The following RASGEF1B variants were observed in gnomAD, a reference collection of about 807,000 sequenced individuals.
The protein encoded by RASGEF1B is RasGEF domain family member 1B, also known as ras-GEF domain-containing family member 1B.
A neutral mutation model predicts 65.7 loss-of-function variants in RASGEF1B; 30 were observed. That is an observed-to-expected ratio of 0.46 (90% CI 0.34 to 0.62). RASGEF1B has a LOEUF of 0.62. RASGEF1B is among the 20% of genes least tolerant of loss of function. The pLI is 0.01. For synonymous variants in RASGEF1B, 175 were observed against 194.8 expected, an observed-to-expected ratio of 0.90 and a Z score of 0.85; for missense variants, 495 against 580.1, an observed-to-expected ratio of 0.85 and a Z score of 1.51.
chr4:81,432,260 C>A, intron 13 of RASGEF1B, 39 bp downstream of exon 13: 2 of 1,402,264 alleles, frequency 1.4e-6, no homozygotes, highest in South Asian at 1.2e-5. Context: ...AAGCCAATTT[C>A]CTTCAGACTT....
intron 10 of RASGEF1B, among the ~76,000 whole-genome samples, chr4:81,435,754 C>T (rs1195146814): frequency 1.6e-4 from 22 of 140,706 alleles, no homozygotes; most frequent in South Asian, 7.0e-4. Context: ...GGATTACAGG[C>T]GTGAGCCAAC....
intron 1 of RASGEF1B, among the ~76,000 whole-genome samples, chr4:81,466,397 T>A (rs1041297853): frequency 6.6e-6 from 1 of 152,184 alleles, no homozygotes; most frequent in African/African-American, 2.4e-5. Flanking sequence ...AACTATGGAT[T>A]TGAGCCAGGG....
At position 81,448,221 on chromosome 4, in the gene RASGEF1B, T is replaced by C; in HGVS notation, c.502A>G (p.Ser168Gly). 1 of 1,613,828 alleles carries C rather than the reference T, an allele frequency of 6.2e-7. No individual in the cohort carries two copies. The highest frequency in any genetic ancestry group is 1.7e-4 in the Middle Eastern group (1 of 5,732). Reference protein sequence around the residue: ...QCLIRKLAALSQYEEVLAKIS... With the variant: ...QCLIRKLAALGQYEEVLAKIS... ...TTTGCCAGGACTTCTTCGTACTGGC[T>C]GAGCGCAGCAAGCTTGCGGATCAGA... The change falls in exon 5 of 14, where the codon AGC becomes GGC. Residue 168 changes from serine to glycine, a missense_variant. Transcript: ENST00000264400.
chr4:81,450,529 C>T (rs1722218846), intron 4 of RASGEF1B, among the ~76,000 whole-genome samples: 2 of 121,268 alleles, frequency 1.6e-5, no homozygotes, highest in South Asian at 4.9e-4. Context: ...CCATACCCAG[C>T]TAATTTGTTG....
chr4:81,432,181 T>C lies in RASGEF1B; in HGVS notation c.1397+118A>G, dbSNP rs1035990910. Reference sequence around the variant, plus strand: ...CCACAAAGATTTGGTGTACAAGAGATAAAGTGCAGAGGACTTGGAACAGAT... The same window carrying C: ...CCACAAAGATTTGGTGTACAAGAGACAAAGTGCAGAGGACTTGGAACAGAT... On this transcript the variant is annotated intron_variant, in intron 13 of 13. Coordinates refer to ENST00000264400, the MANE Select transcript of RASGEF1B (RefSeq NM_152545.3). 1.2e-5 allele frequency: 7 copies of C among 598,034 alleles called. No individual in the cohort carries two copies. In the Admixed American group the frequency reaches 1.5e-4, roughly 13 times the overall value. The allele number at this position is 598,034 out of a possible 1,614,324, so 37.0% of individuals were successfully genotyped here. A position where few individuals can be genotyped will look rare whatever the true frequency, so the allele number is the denominator to read the frequency against.
chr4:81,433,106 G>A (rs549765293), intron 12 of RASGEF1B, among the ~76,000 whole-genome samples: 4 of 151,344 alleles, frequency 2.6e-5, no homozygotes, highest in African/African-American at 7.3e-5. Context: ...GTGCACGCCC[G>A]TACTCCCAGC....
At chr4:81,457,996 G>C (rs930763282) in intron 2 of RASGEF1B, among the ~76,000 whole-genome samples, 1 of 152,144 alleles carries the variant, frequency 6.6e-6, no homozygotes, top group African/African-American at 2.4e-5. Flanking sequence ...ACAAAACATG[G>C]TTGTGTGTCC....
At chr4:81,466,673 T>C (rs576775791) in intron 1 of RASGEF1B, among the ~76,000 whole-genome samples, 1 of 149,634 alleles carries the variant, frequency 6.7e-6, no homozygotes, top group Non-Finnish European at 1.5e-5. Flanking sequence ...GCAGGAGAAT[T>C]GTTTGAACCT....
At chr4:81,430,947 C>G (rs1208649843) in intron 13 of RASGEF1B, among the ~76,000 whole-genome samples, 3 of 152,026 alleles carry the variant, frequency 2.0e-5, no homozygotes, top group Admixed American at 2.0e-4. Context: ...TTAAAATAAT[C>G]TACAAGAAAA....
At chr4:81,456,584 C>T (rs762504833) in intron 4 of RASGEF1B, 67 bp downstream of exon 4, 13 of 1,566,708 alleles carry the variant, frequency 8.3e-6, no homozygotes, top group African/African-American at 5.4e-5. Flanking sequence ...ATGCATAATT[C>T]GGCACCATTT....
At chr4:81,438,635 T>C (rs890886712) in intron 10 of RASGEF1B, among the ~76,000 whole-genome samples, 1 of 152,204 alleles carries the variant, frequency 6.6e-6, no homozygotes. Context: ...ACATGTGTCA[T>C]GGTGGTTTGC....
intron 3 of RASGEF1B, 90 bp from the exon 4 acceptor site, chr4:81,456,878 T>A (rs1435980920): frequency 8.4e-7 from 1 of 1,196,078 alleles, no homozygotes; most frequent in South Asian, 1.5e-5. Context: ...CTGAGAAACT[T>A]CTAGTGCAAA....
chr4:81,460,945 C>T (rs1722621070), intron 1 of RASGEF1B, among the ~76,000 whole-genome samples: 1 of 152,132 alleles, frequency 6.6e-6, no homozygotes, highest in Non-Finnish European at 1.5e-5. Context: ...GTCACTGGCC[C>T]CATGTCTCTC....
At chr4:81,436,019 C>T (rs1298399925) in intron 10 of RASGEF1B, among the ~76,000 whole-genome samples, 4 of 151,784 alleles carry the variant, frequency 2.6e-5, no homozygotes, top group African/African-American at 9.7e-5. Flanking sequence ...GGGGGTCAAG[C>T]AATCCTCTTA....
intron 4 of RASGEF1B, 25 bp from the exon 5 acceptor site, chr4:81,448,309 T>C (rs1210741117): frequency 1.3e-6 from 2 of 1,588,726 alleles, no homozygotes; most frequent in South Asian, 2.2e-5. Context: ...AAGAATTACA[T>C]CCGTACTCTG....
Position 81,442,446 on chromosome 4 carries a change from C to A in RASGEF1B, c.929-70G>T, listed in dbSNP as rs1721874030. The stretch of plus-strand genomic sequence containing the variant: ...AGAGAAATAAGAAAAACGATAAACA[C>A]ATACTTCTAAAATACTTTCATTACT... On this transcript the variant is annotated intron_variant, in intron 8 of 13. Transcript: ENST00000264400. 1.9e-5 allele frequency: 16 copies of A among 860,296 alleles called. No individual in the cohort carries two copies. The South Asian group carries it at 2.1e-4, about 11-fold the overall frequency. 53.3% of individuals were successfully genotyped at this position (860,296 alleles called of 1,614,324 possible).
chr4:81,471,679 G>A (rs1424253551), intron 1 of RASGEF1B, 91 bp downstream of exon 1: 1 of 152,666 alleles, frequency 6.6e-6, no homozygotes, highest in African/African-American at 2.4e-5. Context: ...GGGATCTCCA[G>A]GGAGAGCGCA....
chr4:81,471,512 C>G (rs892402255), intron 1 of RASGEF1B, among the ~76,000 whole-genome samples: 1 of 152,190 alleles, frequency 6.6e-6, no homozygotes, highest in South Asian at 2.1e-4. Context: ...CCCAGGTACC[C>G]GCAGCGGCCG....
Position 81,448,159 on chromosome 4 carries a change from G to A in RASGEF1B, c.564C>T (p.Leu188=), listed in dbSNP as rs1722106488. 6.2e-7 allele frequency: 1 copy of A among 1,614,038 alleles called. No individual in the cohort carries two copies. Among genetic ancestry groups the A allele is most frequent in the African/African-American group, 1.3e-5 (1 of 74,918 alleles). ...SSTSTDRLTV[L]KTKPQSIQRD... ...TTTGTATAGACTGTGGCTTGGTCTTGAGAACTGTGAGCCGATCTGTGGATG... is the reference window on the plus strand; with the variant it reads ...TTTGTATAGACTGTGGCTTGGTCTTAAGAACTGTGAGCCGATCTGTGGATG... The change falls in exon 5 of 14, where the codon CTC becomes CTT. Residue 188 remains leucine (L), a synonymous_variant. Coordinates refer to ENST00000264400, the MANE Select transcript of RASGEF1B (RefSeq NM_152545.3).
Sources: gnomAD v4.1 joint callset for allele counts (sites outside exome capture counted in the v4.1 genomes callset) on GRCh38, gnomAD v4.1.1 for gene constraint, MANE v1.5 for transcripts, NCBI Gene and HGNC (gene_info 2026-07-23, HGNC 2026-07-21) for gene names.